STPG2: variants seen among roughly 807,000 people sequenced by gnomAD.
The protein encoded by STPG2 is sperm tail PG-rich repeat containing 2, also known as sperm-tail PG-rich repeat-containing protein 2.
A neutral mutation model predicts 54.2 loss-of-function variants in STPG2; 56 were observed. The ratio of observed to expected loss-of-function variants is 1.03; its 90% CI spans 0.83 to 1.29. The LOEUF is 1.29. STPG2 is among the 50% of genes most tolerant of loss of function. The pLI is 0.00. For missense variants in STPG2, 596 were observed against 544.9 expected, an observed-to-expected ratio of 1.09 and a Z score of -0.93; for synonymous variants, 200 against 181.8, an observed-to-expected ratio of 1.10 and a Z score of -0.81.
At chr4:97,791,679 A>G (rs1353376968) in intron 9 of STPG2, among the ~76,000 whole-genome samples, 1 of 152,110 alleles carries the variant, frequency 6.6e-6, no homozygotes, top group Non-Finnish European at 1.5e-5. Context: ...TATTATCAGG[A>G]TTATTATTAC....
chr4:97,973,012 G>T (rs1181585003), intron 6 of STPG2, among the ~76,000 whole-genome samples: 2 of 152,290 alleles, frequency 1.3e-5, no homozygotes, highest in Non-Finnish European at 2.9e-5. Context: ...TACCAGTAAA[G>T]TTGGGCACTG....
At chr4:97,473,186 A>C (rs900932867) in intron 4 of STPG2, among the ~76,000 whole-genome samples, 1 of 152,212 alleles carries the variant, frequency 6.6e-6, no homozygotes, top group Non-Finnish European at 1.5e-5. Context: ...CCTTGAAAAA[A>C]GAACAGGATA....
At chr4:97,595,917 A>G (rs1733277319) in intron 10 of STPG2, among the ~76,000 whole-genome samples, 1 of 152,218 alleles carries the variant, frequency 6.6e-6, no homozygotes, top group Non-Finnish European at 1.5e-5. Context: ...CACATACATC[A>G]ATATTAACCT....
chr4:97,603,608 T>C (rs1733519824), intron 10 of STPG2, among the ~76,000 whole-genome samples: 1 of 151,344 alleles, frequency 6.6e-6, no homozygotes, highest in South Asian at 2.1e-4. Context: ...TATCTATATA[T>C]ATACACACAC....
At chr4:97,892,679 G>A (rs1004811502) in intron 8 of STPG2, among the ~76,000 whole-genome samples, 1 of 152,174 alleles carries the variant, frequency 6.6e-6, no homozygotes, top group African/African-American at 2.4e-5. Flanking sequence ...AATGATACCT[G>A]TGATGTGTGT....
chr4:97,769,748 C>G (rs1388541501), intron 9 of STPG2, among the ~76,000 whole-genome samples: 1 of 151,850 alleles, frequency 6.6e-6, no homozygotes, highest in Non-Finnish European at 1.5e-5. Flanking sequence ...TGTGAATACA[C>G]AGATATGTCA....
chr4:97,875,224 T>A (rs1730132371), intron 8 of STPG2, among the ~76,000 whole-genome samples: 1 of 152,070 alleles, frequency 6.6e-6, no homozygotes, highest in East Asian at 1.9e-4. Context: ...GTAGAATATC[T>A]GGGTCTTTGG....
intron 10 of STPG2, among the ~76,000 whole-genome samples, chr4:97,694,353 A>C (rs1157510777): frequency 1.3e-5 from 2 of 152,026 alleles, no homozygotes; most frequent in East Asian, 3.9e-4. Context: ...TACTACAGAA[A>C]TACAAAAAAA....
intron 4 of STPG2, among the ~76,000 whole-genome samples, chr4:97,455,708 A>G (rs1361954012): frequency 6.6e-6 from 1 of 152,212 alleles, no homozygotes; most frequent in Admixed American, 6.5e-5. Context: ...GGATACAGAA[A>G]GCCCTCTGTC....
chr4:97,893,737 A>G (rs962336127), intron 8 of STPG2, among the ~76,000 whole-genome samples: 8 of 152,096 alleles, frequency 5.3e-5, no homozygotes, highest in African/African-American at 1.9e-4. Flanking sequence ...AACTTAGTCT[A>G]CAACTACATG....
At chr4:97,896,789 T>C (rs1315997262) in intron 8 of STPG2, among the ~76,000 whole-genome samples, 2 of 151,712 alleles carry the variant, frequency 1.3e-5, no homozygotes, top group African/African-American at 4.8e-5. Flanking sequence ...AAAGAAAAAC[T>C]ACAAAAAAAG....
intron 8 of STPG2, among the ~76,000 whole-genome samples, chr4:97,887,908 C>G (rs906424223): frequency 6.6e-6 from 1 of 152,202 alleles, no homozygotes; most frequent in Non-Finnish European, 1.5e-5. Flanking sequence ...CTCCCTGCAT[C>G]CCAGCCACTC....
intron 4 of STPG2, among the ~76,000 whole-genome samples, chr4:97,447,425 AGACCT>A (rs1448200354): frequency 6.6e-6 from 1 of 152,208 alleles, no homozygotes; most frequent in Non-Finnish European, 1.5e-5. Flanking sequence ...GGCATGTCAG[AGACCT>A]TAGTGGCAGC....
intron 4 of STPG2, among the ~76,000 whole-genome samples, chr4:97,552,593 T>TA (rs1365387400): frequency 1.3e-5 from 2 of 152,210 alleles, no homozygotes; most frequent in Admixed American, 6.5e-5. Context: ...AAGGTAAGCC[T>TA]AAAAAATGAA....
chr4:97,575,035 A>G (rs1236527007), intron 10 of STPG2, among the ~76,000 whole-genome samples: 3 of 152,002 alleles, frequency 2.0e-5, no homozygotes, highest in African/African-American at 7.2e-5. Context: ...TAGACAATTC[A>G]GAAAAAAAAA....
intron 5 of STPG2, among the ~76,000 whole-genome samples, chr4:98,068,528 C>T (rs1484981371): frequency 6.6e-6 from 1 of 152,028 alleles, no homozygotes; most frequent in Non-Finnish European, 1.5e-5. Flanking sequence ...CTGAATTGCT[C>T]CTGAGTTTCA....
At chr4:97,456,144 A>G (rs1240776949) in intron 4 of STPG2, among the ~76,000 whole-genome samples, 1 of 152,244 alleles carries the variant, frequency 6.6e-6, no homozygotes, top group East Asian at 1.9e-4. Context: ...ATATTTGATT[A>G]TATTAGTCTG....
At chr4:97,862,197 C>T (rs986571389) in intron 8 of STPG2, among the ~76,000 whole-genome samples, 4 of 150,480 alleles carry the variant, frequency 2.7e-5, no homozygotes, top group Admixed American at 6.6e-5. Context: ...TTATTTTGAG[C>T]CTATGTGTGT....
chr4:97,680,150 C>G (rs1280813876), intron 10 of STPG2, among the ~76,000 whole-genome samples: 3 of 150,742 alleles, frequency 2.0e-5, no homozygotes, highest in Non-Finnish European at 4.4e-5. Flanking sequence ...GTAGTTTTTT[C>G]CAATTCTGTG....
Sources: allele counts gnomAD v4.1 joint callset (sites outside exome capture counted in the v4.1 genomes callset), GRCh38; gene constraint gnomAD v4.1.1; transcripts MANE v1.5; gene names NCBI Gene and HGNC (gene_info 2026-07-23, HGNC 2026-07-21).